Variants in SPAG16 observed in about 807,000 individuals in gnomAD.
SPAG16 encodes sperm associated antigen 16.
In SPAG16, 86 loss-of-function variants were observed where a neutral mutation model predicts 80.4. The observed-to-expected ratio is 1.07, with a 90% CI of 0.90 to 1.28. The LOEUF is 1.28. Among genes scored for constraint, SPAG16 ranks in the 50% most tolerant of loss-of-function variants. The pLI is 0.00. For synonymous variants in SPAG16, 294 were observed against 265.9 expected (o/e 1.11, Z -1.03); for missense variants, 870 against 765.3 (o/e 1.14, Z -1.61).
intron 15 of SPAG16, among the ~76,000 whole-genome samples, chr2:214,379,798 T>TAACC (rs922996145): frequency 3.4e-4 from 51 of 151,880 alleles, no homozygotes; most frequent in African/African-American, 1.2e-3. Flanking sequence ...GTGGGCATAC[T>TAACC]AACCATGGCC....
intron 15 of SPAG16, among the ~76,000 whole-genome samples, chr2:214,351,252 CTGTG>C (rs975592072): frequency 6.6e-6 from 1 of 152,142 alleles, no homozygotes; most frequent in African/African-American, 2.4e-5. Flanking sequence ...ATATGTGTAT[CTGTG>C]TGTGTGTATG....
At chr2:213,860,361 ATATGTG>A (rs1219387699) in intron 10 of SPAG16, among the ~76,000 whole-genome samples, 1 of 61,464 alleles carries the variant, frequency 1.6e-5, no homozygotes, top group Non-Finnish European at 4.0e-5. Flanking sequence ...ATATATATAT[ATATGTG>A]TGTGTGTGTA....
chr2:213,599,621 T>C (rs1242617661), intron 10 of SPAG16, among the ~76,000 whole-genome samples: 1 of 152,198 alleles, frequency 6.6e-6, no homozygotes, highest in Non-Finnish European at 1.5e-5. Context: ...ACAAAATATG[T>C]GTTAACCGAC....
chr2:214,148,131 G>A (rs2055755349), intron 14 of SPAG16, among the ~76,000 whole-genome samples: 4 of 152,140 alleles, frequency 2.6e-5, no homozygotes. Flanking sequence ...TGATTTTAAT[G>A]TGGCCAATAC....
intron 15 of SPAG16, among the ~76,000 whole-genome samples, chr2:214,363,830 C>T (rs930907697): frequency 9.9e-5 from 15 of 152,036 alleles, no homozygotes; most frequent in African/African-American, 3.4e-4. Context: ...AAGCAACTTA[C>T]CTGGAATGCT....
In SPAG16 at chr2:214,002,953, C is replaced by T. The variant is rs771531275; in HGVS notation, c.1401-10998C>T. Among the ~76,000 whole-genome samples, 13 of 152,222 alleles carry T rather than the reference C, an allele frequency of 8.5e-5. 1 individual carries two copies. Among genetic ancestry groups the T allele is most frequent in the South Asian group, 2.1e-4 (1 of 4,818 alleles). On this transcript the variant is annotated intron_variant, in intron 12 of 15. Coordinates refer to ENST00000331683, the MANE Select transcript of SPAG16 (RefSeq NM_024532.5). ...TGGTCAAGTTGACACATAAAATTAT[C>T]GCATTGAGAATATTAGGCATCCAAT...
At chr2:214,205,779 G>A (rs2058127076) in intron 15 of SPAG16, among the ~76,000 whole-genome samples, 1 of 152,144 alleles carries the variant, frequency 6.6e-6, no homozygotes, top group Admixed American at 6.5e-5. Context: ...TTTGATACAT[G>A]CATATAATGT....
intron 5 of SPAG16, among the ~76,000 whole-genome samples, chr2:213,327,837 G>GT (rs1175821047): frequency 6.6e-6 from 1 of 152,086 alleles, no homozygotes; most frequent in Non-Finnish European, 1.5e-5. Context: ...GTGTGTGTCT[G>GT]TTTTACTATA....
At chr2:214,033,426 G>A (rs1043614728) in intron 13 of SPAG16, among the ~76,000 whole-genome samples, 10 of 152,192 alleles carry the variant, frequency 6.6e-5, no homozygotes, top group African/African-American at 1.9e-4. Context: ...AAGAATTACT[G>A]TGGCTTTCTT....
chr2:214,258,682 C>T (rs1443857369), intron 15 of SPAG16, among the ~76,000 whole-genome samples: 1 of 151,610 alleles, frequency 6.6e-6, no homozygotes, highest in African/African-American at 2.4e-5. Flanking sequence ...AATATTGTAC[C>T]ACAGGCTCCT....
chr2:213,492,481 T>C (rs554037842), intron 10 of SPAG16, among the ~76,000 whole-genome samples: 73 of 151,308 alleles, frequency 4.8e-4, no homozygotes, highest in Admixed American at 2.4e-3. Flanking sequence ...ACCCGGGAGG[T>C]GGAGCTTGCA....
chr2:213,294,406 A>G lies in SPAG16; in HGVS notation c.137-1658A>G, dbSNP rs532929331. Among the ~76,000 whole-genome samples the G allele has an allele frequency of 9.8e-5, 15 of 152,318 alleles. No homozygotes were observed. The South Asian group carries it at 2.5e-3, about 25-fold the overall frequency. On this transcript the variant is annotated intron_variant, in intron 1 of 15. Transcript: ENST00000331683. ...GGAATTAGAGAGTGAGGCAAATACT[A>G]TTAGAATCTGTTCTACAGTAATAGA... is the stretch of plus-strand genomic sequence containing the variant.
chr2:214,072,526 A>G (rs2125230059), intron 13 of SPAG16, among the ~76,000 whole-genome samples: 1 of 152,294 alleles, frequency 6.6e-6, no homozygotes, highest in South Asian at 2.1e-4. Context: ...TTTAAGAATG[A>G]CACTAAAGGG....
At chr2:213,947,642 A>G (rs1041721844) in intron 12 of SPAG16, among the ~76,000 whole-genome samples, 2 of 151,988 alleles carry the variant, frequency 1.3e-5, no homozygotes, top group Non-Finnish European at 2.9e-5. Flanking sequence ...CAAATTTCTA[A>G]TTTTTCCAAT....
intron 10 of SPAG16, among the ~76,000 whole-genome samples, chr2:213,814,289 G>A (rs577757721): frequency 6.6e-6 from 1 of 152,246 alleles, no homozygotes; most frequent in East Asian, 1.9e-4. Flanking sequence ...CATTCAGCTG[G>A]TTGGCTGAGG....
intron 10 of SPAG16, among the ~76,000 whole-genome samples, chr2:213,620,281 G>GTTTTTTTT (rs36059669): frequency 1.6e-4 from 13 of 82,822 alleles, no homozygotes; most frequent in African/African-American, 5.8e-4. Flanking sequence ...AATTTATTGA[G>GTTTTTTTT]TTTTTTTTTT....
intron 12 of SPAG16, among the ~76,000 whole-genome samples, chr2:214,004,818 C>A (rs1250619214): frequency 1.3e-5 from 2 of 152,004 alleles, no homozygotes; most frequent in Non-Finnish European, 2.9e-5. Flanking sequence ...ATAGGCCAAG[C>A]ATGAGACCTA....
chr2:214,118,874 C>G (rs534322599), intron 14 of SPAG16, among the ~76,000 whole-genome samples: 2 of 149,894 alleles, frequency 1.3e-5, no homozygotes, highest in East Asian at 1.9e-4. Context: ...TTTTTGGAAC[C>G]AAAAGGCTGC....
intron 13 of SPAG16, among the ~76,000 whole-genome samples, chr2:214,060,639 G>C (rs2050214003): frequency 6.6e-6 from 1 of 152,056 alleles, no homozygotes; most frequent in African/African-American, 2.4e-5. Flanking sequence ...GGTTTTCTTT[G>C]TTCTTGATTG....
Sources: allele counts gnomAD v4.1 joint callset (sites outside exome capture counted in the v4.1 genomes callset), GRCh38; gene constraint gnomAD v4.1.1; transcripts MANE v1.5; gene names NCBI Gene and HGNC (gene_info 2026-07-23, HGNC 2026-07-21).